Variants in MMP26 observed in about 807,000 individuals in gnomAD.
MMP26 encodes matrix metallopeptidase 26.
A neutral mutation model predicts 31.0 loss-of-function variants in MMP26; 33 were observed. The observed-to-expected ratio is 1.06, with a 90% CI of 0.81 to 1.42. The LOEUF is 1.42. Ranked by LOEUF, MMP26 falls within the 40% of genes most tolerant of loss-of-function variation. The pLI, the probability that MMP26 is intolerant of heterozygous loss-of-function variation, is 0.00. For missense variants in MMP26, 347 were observed against 316.1 expected (o/e 1.10, Z -0.74); for synonymous variants, 122 against 114.9 (o/e 1.06, Z -0.40).
At chr11:4,992,190 TG>T in intron 7 of MMP26, 23 bp from the exon 8 acceptor site, 1 of 1,439,796 alleles carries the variant, frequency 6.9e-7, no homozygotes, top group Non-Finnish European at 9.2e-7. Flanking sequence ...AATTTACTGT[TG>T]TTTTTTTTTT....
intron 2 of MMP26, among the ~76,000 whole-genome samples, chr11:4,950,971 A>T (rs1404429942): frequency 8.1e-6 from 1 of 124,096 alleles, no homozygotes; most frequent in Non-Finnish European, 1.8e-5. Flanking sequence ...AAAGTTTAGC[A>T]TTATCTTCTA....
intron 2 of MMP26, among the ~76,000 whole-genome samples, chr11:4,807,880 C>A (rs1389328078): frequency 6.6e-6 from 1 of 152,136 alleles, no homozygotes; most frequent in Non-Finnish European, 1.5e-5. Flanking sequence ...TCACAGCTCA[C>A]TCTAGCCTTG....
At chr11:4,706,235 TTTA>T (rs1847775125) in intron 1 of MMP26, among the ~76,000 whole-genome samples, 1 of 152,088 alleles carries the variant, frequency 6.6e-6, no homozygotes, top group African/African-American at 2.4e-5. Flanking sequence ...TCTTTTATGT[TTTA>T]TTTTTATTTT....
chr11:4,915,921 T>G (rs2133575499), intron 2 of MMP26, among the ~76,000 whole-genome samples: 1 of 152,036 alleles, frequency 6.6e-6, no homozygotes, highest in East Asian at 1.9e-4. Flanking sequence ...ACTGGGTGAG[T>G]TGGAGATTCT....
chr11:4,901,691 A>T (rs1040168537), intron 2 of MMP26, among the ~76,000 whole-genome samples: 1 of 152,008 alleles, frequency 6.6e-6, no homozygotes, highest in Admixed American at 6.6e-5. Context: ...ATACCGCAGG[A>T]TCCCTAAAAA....
chr11:4,909,608 T>G (rs1348168892), intron 2 of MMP26: 2 of 152,208 alleles, frequency 1.3e-5, no homozygotes, highest in African/African-American at 4.8e-5. Context: ...AAAGTTTGGT[T>G]ATCAAACTGT....
At chr11:4,966,928 G>T (rs1343628772) in intron 2 of MMP26, among the ~76,000 whole-genome samples, 1 of 152,174 alleles carries the variant, frequency 6.6e-6, no homozygotes, top group East Asian at 1.9e-4. Flanking sequence ...TGTATCTTTA[G>T]ATGGTGGAGT....
intron 2 of MMP26, among the ~76,000 whole-genome samples, chr11:4,805,486 G>A (rs1444549015): frequency 1.3e-5 from 2 of 152,030 alleles, no homozygotes; most frequent in East Asian, 1.9e-4. Flanking sequence ...ATAAACCTTT[G>A]TTTACAAAAA....
intron 2 of MMP26, among the ~76,000 whole-genome samples, chr11:4,926,224 C>CA (rs150540410): frequency 0.021 from 3,171 of 149,042 alleles, 80 homozygotes; most frequent in African/African-American, 0.07. Context: ...AAATGAGAAG[C>CA]AAAAAAAAGG....
intron 2 of MMP26, among the ~76,000 whole-genome samples, chr11:4,802,794 G>A (rs1755807902): frequency 1.3e-5 from 2 of 152,056 alleles, no homozygotes; most frequent in African/African-American, 2.4e-5. Flanking sequence ...CCTTATGGGC[G>A]ATAGTTTTTC....
chr11:4,707,156 A>C (rs1309026146), intron 1 of MMP26, among the ~76,000 whole-genome samples: 1 of 152,204 alleles, frequency 6.6e-6, no homozygotes, highest in Non-Finnish European at 1.5e-5. Flanking sequence ...AACTGTGTAC[A>C]ATAGGTCCAA....
rs187221094 is a variant in MMP26 at position 4,816,968 on chromosome 11, C to T, written c.-145+49627C>T. Reference sequence around the variant, plus strand: ...CTCGTGATCCACCCGCCTCGGCCTCCCAAAGTGGGGTGCCTTCTTTTGTAG... The same window carrying T: ...CTCGTGATCCACCCGCCTCGGCCTCTCAAAGTGGGGTGCCTTCTTTTGTAG... On this transcript the variant is annotated intron_variant, in intron 2 of 7. Transcript: ENST00000380390. Among the ~76,000 whole-genome samples, 639 of 150,600 alleles carry T rather than the reference C, an allele frequency of 4.2e-3. 1 individual carries two copies. The highest frequency in any genetic ancestry group is 0.029 in the Middle Eastern group (8 of 274).
At chr11:4,870,178 A>G (rs1850292051) in intron 2 of MMP26, among the ~76,000 whole-genome samples, 1 of 152,176 alleles carries the variant, frequency 6.6e-6, no homozygotes, top group African/African-American at 2.4e-5. Context: ...ATATGTAACA[A>G]ACCTGCTCGT....
chr11:4,962,682 C>T (rs1013484367), intron 2 of MMP26, among the ~76,000 whole-genome samples: 2 of 152,120 alleles, frequency 1.3e-5, no homozygotes, highest in African/African-American at 4.8e-5. Context: ...TCGGGTTTAG[C>T]ACTTGGTTGA....
chr11:4,790,964 T>A (rs1304517043), intron 2 of MMP26, among the ~76,000 whole-genome samples: 1 of 152,244 alleles, frequency 6.6e-6, no homozygotes, highest in Non-Finnish European at 1.5e-5. Context: ...TAATTATATC[T>A]TAACTGCTAC....
intron 2 of MMP26, chr11:4,908,615 C>T (rs951271433): frequency 1.2e-5 from 5 of 413,604 alleles, no homozygotes; most frequent in Non-Finnish European, 2.2e-5. Flanking sequence ...ATTGAGATTA[C>T]CATTCAGTTA....
chr11:4,756,834 A>G (rs1848510579), intron 1 of MMP26: 1 of 152,176 alleles, frequency 6.6e-6, no homozygotes, highest in Non-Finnish European at 1.5e-5. Flanking sequence ...AAAAACTAAG[A>G]CACTGACGAC....
intron 2 of MMP26, among the ~76,000 whole-genome samples, chr11:4,778,572 T>C (rs530567877): frequency 6.2e-4 from 95 of 152,180 alleles, no homozygotes; most frequent in Non-Finnish European, 1.0e-3. Flanking sequence ...GCTTCAACTT[T>C]ATTCTTTTGC....
At chr11:4,943,723 A>C (rs569902833) in intron 2 of MMP26, 1 of 353,802 alleles carries the variant, frequency 2.8e-6, no homozygotes, top group African/African-American at 2.1e-5. Context: ...CCCAGAGTTG[A>C]GATTTTAATC....
Sources: gnomAD v4.1 joint callset for allele counts (sites outside exome capture counted in the v4.1 genomes callset) on GRCh38, gnomAD v4.1.1 for gene constraint, MANE v1.5 for transcripts, NCBI Gene and HGNC (gene_info 2026-07-23, HGNC 2026-07-21) for gene names.